The following POC1B variants were observed in gnomAD, a reference collection of about 807,000 sequenced individuals.
POC1B encodes POC1 centriolar protein homolog B.
Under a neutral mutation model 60.6 loss-of-function variants are expected in POC1B, and 44 were observed. The ratio of observed to expected loss-of-function variants is 0.73; its 90% CI spans 0.57 to 0.93. The LOEUF is 0.93. POC1B is among the 40% of genes least tolerant of loss of function. The probability of loss-of-function intolerance (pLI) is 0.00; values close to 1 mark genes in which losing one functional copy is unlikely to be tolerated. For synonymous variants in POC1B, 180 were observed against 198.9 expected (o/e 0.90, Z 0.80); for missense variants, 555 against 572.3 (o/e 0.97, Z 0.31).
chr12:89,403,859 G>A, the POC1B span, among the ~76,000 whole-genome samples: 6 of 152,212 alleles, frequency 3.9e-5, no homozygotes, highest in Admixed American at 2.0e-4. Context: ...TTGGCCGGGC[G>A]CAGTGGCCCA....
rs1286802273 is a variant in POC1B, at chr12:89,523,992, A to C, written c.100+1128T>G. On this transcript the variant is annotated intron_variant, in intron 2 of 11. Transcript: ENST00000313546. ...TATCAAGATTGCTGATGTAAGTTTC[A>C]AGTTGTGTCTTCAAATAAACTCTGT... 3.1e-6 allele frequency: 5 copies of C among 1,613,892 alleles called. No homozygotes were observed. In the African/African-American group the frequency reaches 5.3e-5, roughly 17 times the overall value.
intron 10 of POC1B, among the ~76,000 whole-genome samples, chr12:89,449,729 C>T (rs1434416104): frequency 2.0e-5 from 3 of 151,972 alleles, no homozygotes; most frequent in African/African-American, 7.3e-5. Context: ...AAAAACTGTA[C>T]ATTATATAAT....
chr12:89,501,039 G>C, intron 2 of POC1B: 1 of 1,047,280 alleles, frequency 9.5e-7, no homozygotes, highest in Non-Finnish European at 1.5e-6. Context: ...TCAAAGTTTT[G>C]CCAGTAGATC....
chr12:89,477,235 T>C (rs1212875929), intron 4 of POC1B, among the ~76,000 whole-genome samples: 1 of 152,056 alleles, frequency 6.6e-6, no homozygotes, highest in Non-Finnish European at 1.5e-5. Context: ...AAAACATTTA[T>C]TTTTTTTAAG....
At chr12:89,432,495 T>C (rs1401818477) in intron 10 of POC1B, among the ~76,000 whole-genome samples, 1 of 148,790 alleles carries the variant, frequency 6.7e-6, no homozygotes, top group Non-Finnish European at 1.5e-5. Context: ...AAGACATAAA[T>C]ATTTTTGAGA....
intron 4 of POC1B, among the ~76,000 whole-genome samples, chr12:89,487,990 CTG>C (rs1868734930): frequency 6.6e-6 from 1 of 152,276 alleles, no homozygotes; most frequent in African/African-American, 2.4e-5. Flanking sequence ...GAGGCCAAGA[CTG>C]TGTCTTTCAT....
intron 3 of POC1B, 99 bp downstream of exon 3, chr12:89,497,072 A>G (rs1195781651): frequency 1.6e-6 from 2 of 1,221,502 alleles, no homozygotes; most frequent in African/African-American, 3.0e-5. Context: ...GTGACTGAGA[A>G]TAACAGTGCA....
At chr12:89,436,330 C>A (rs995621430) in intron 10 of POC1B, among the ~76,000 whole-genome samples, 1 of 152,136 alleles carries the variant, frequency 6.6e-6, no homozygotes, top group Non-Finnish European at 1.5e-5. Context: ...CGAAACAAAA[C>A]CCGTTATGTT....
At chr12:89,425,883 A>G (rs1387561828) in intron 10 of POC1B, 1 of 153,768 alleles carries the variant, frequency 6.5e-6, no homozygotes, top group Non-Finnish European at 1.4e-5. Context: ...ATGATCCAGC[A>G]ATTCTACTCC....
intron 4 of POC1B, among the ~76,000 whole-genome samples, chr12:89,484,758 C>T (rs141785133): frequency 2.6e-5 from 4 of 152,272 alleles, no homozygotes; most frequent in East Asian, 1.9e-4. Context: ...AAAGATACTA[C>T]GTCAACAGAG....
At chr12:89,478,876 A>T (rs1192652885) in intron 4 of POC1B, among the ~76,000 whole-genome samples, 1 of 152,218 alleles carries the variant, frequency 6.6e-6, no homozygotes, top group Non-Finnish European at 1.5e-5. Flanking sequence ...AAAGTTCTCT[A>T]CTACATTAAC....
At chr12:89,525,730 G>T (rs1277300144) in intron 1 of POC1B, 151 bp downstream of exon 1, 4 of 1,281,756 alleles carry the variant, frequency 3.1e-6, no homozygotes, top group Non-Finnish European at 4.0e-6. Flanking sequence ...CAGAGAGTGA[G>T]ATACGGACGC....
chr12:89,455,321 T>TGAGA lies in POC1B; in HGVS notation c.1113+4313_1113+4316dup, dbSNP rs889843447. Among the ~76,000 whole-genome samples, 10 of 152,042 alleles carry TGAGA rather than the reference T, an allele frequency of 6.6e-5. No homozygotes were observed. The East Asian group carries it at 7.7e-4, about 12-fold the overall frequency. ...CTGCACTTCAGCCTGGGTGACAGAGTGAGAGACCTTGTCTCAAAAAAGAAA... is the reference window on the plus strand; with the variant it reads ...CTGCACTTCAGCCTGGGTGACAGAGTGAGAGAGAGACCTTGTCTCAAAAAAGAAA... On this transcript the variant is annotated intron_variant, in intron 10 of 11. Transcript: ENST00000313546.
intron 10 of POC1B, among the ~76,000 whole-genome samples, chr12:89,445,872 A>C (rs1179010880): frequency 1.3e-5 from 2 of 152,250 alleles, no homozygotes; most frequent in Non-Finnish European, 2.9e-5. Flanking sequence ...AGAAACGGCT[A>C]ATATCCAGCA....
At chr12:89,404,651 C>T in the POC1B span, among the ~76,000 whole-genome samples, 60 of 152,302 alleles carry the variant, frequency 3.9e-4, no homozygotes, top group African/African-American at 7.0e-4. Context: ...TTAGACCCAG[C>T]TACAACATGA....
chr12:89,522,796 G>GA (rs779143376), intron 2 of POC1B: 7 of 1,546,008 alleles, frequency 4.5e-6, no homozygotes, highest in Non-Finnish European at 6.1e-6. Flanking sequence ...AGCTCATGAC[G>GA]AAAGTGCTGT....
chr12:89,483,777 C>T (rs935665952), intron 4 of POC1B, among the ~76,000 whole-genome samples: 2 of 152,078 alleles, frequency 1.3e-5, no homozygotes, highest in African/African-American at 2.4e-5. Flanking sequence ...GAGAAGTCAT[C>T]CATCACCAGG....
intron 10 of POC1B, among the ~76,000 whole-genome samples, chr12:89,446,105 C>T (rs1426330110): frequency 2.0e-5 from 3 of 151,734 alleles, no homozygotes; most frequent in African/African-American, 4.9e-5. Context: ...CAGGAAACAA[C>T]AGGTGCTGGA....
intron 10 of POC1B, among the ~76,000 whole-genome samples, chr12:89,447,895 G>C (rs954240860): frequency 1.3e-5 from 2 of 152,022 alleles, no homozygotes; most frequent in Non-Finnish European, 2.9e-5. Flanking sequence ...GATATAATCA[G>C]TCCAAGAGAG....
Sources: allele counts gnomAD v4.1 joint callset (sites outside exome capture counted in the v4.1 genomes callset), GRCh38; gene constraint gnomAD v4.1.1; transcripts MANE v1.5; gene names NCBI Gene and HGNC (gene_info 2026-07-23, HGNC 2026-07-21).